Variants in PXK observed in about 807,000 individuals in gnomAD.
PXK encodes PX domain-containing protein kinase-like protein.
A neutral mutation model predicts 84.7 loss-of-function variants in PXK; 35 were observed. The observed-to-expected ratio is 0.41, with a 90% CI of 0.32 to 0.55. The LOEUF (loss-of-function observed/expected upper bound fraction) is 0.55. Among genes scored for constraint, PXK ranks in the 20% least tolerant of loss-of-function variants. PXK has a pLI of 0.21. For missense variants in PXK, 634 were observed against 699.7 expected (o/e 0.91, Z 1.06); for synonymous variants, 253 against 260.8 (o/e 0.97, Z 0.29).
At chr3:58,338,602 G>A (rs1285938583) in intron 1 of PXK, among the ~76,000 whole-genome samples, 2 of 151,598 alleles carry the variant, frequency 1.3e-5, no homozygotes, top group African/African-American at 2.4e-5. Context: ...CAGCCTGGGC[G>A]ACAGAGCAAG....
chr3:58,402,504 A>T (rs2058740647), intron 12 of PXK, among the ~76,000 whole-genome samples: 2 of 148,758 alleles, frequency 1.3e-5, no homozygotes. Flanking sequence ...ATCTTGGCTC[A>T]CTGCAAGCTC....
At chr3:58,388,743 A>T (rs999853529) in intron 4 of PXK, among the ~76,000 whole-genome samples, 4 of 152,234 alleles carry the variant, frequency 2.6e-5, no homozygotes, top group Admixed American at 2.6e-4. Flanking sequence ...ACAAATAGCT[A>T]GTAAATTGTT....
rs920981311 is a variant in PXK at position 58,393,265 on chromosome 3, G to A, written c.615+1418G>A. ...AGGAAGGCTGAGGCAGGAGAATGGC[G>A]TGAACCCGGGAGGCGGAGCTTGCAG... On this transcript the variant is annotated intron_variant, in intron 7 of 17. Transcript: ENST00000356151. Among the ~76,000 whole-genome samples the A allele has an allele frequency of 3.9e-5, 6 of 151,956 alleles. No individual in the cohort carries two copies. In the South Asian group the frequency reaches 8.3e-4, roughly 21 times the overall value.
Position 58,354,515 on chromosome 3 carries a change from C to T in PXK, c.103-11359C>T, listed in dbSNP as rs549761563. Among the ~76,000 whole-genome samples the T allele has an allele frequency of 3.3e-5, 5 of 150,598 alleles. No homozygotes were observed. In the South Asian group the frequency reaches 1.1e-3, roughly 32 times the overall value. On this transcript the variant is annotated intron_variant, in intron 1 of 17. Transcript: ENST00000356151. ...AGGCTGGAGTGCAGTGGCCTGATCT[C>T]AGCTCACTGCAACCTCCACCTCCTA...
rs866134453 is a variant in PXK, at chr3:58,399,034, G to T, written c.1103-265G>T. ...CAAACACTTTTATGAATGATATCTT[G>T]AATCCTTCCTCCAGTTATCTTTGAA... On this transcript the variant is annotated intron_variant, in intron 11 of 17. Coordinates refer to ENST00000356151, the MANE Select transcript of PXK (RefSeq NM_017771.5). The surrounding 1 kb of genome is among the most constrained non-coding windows in gnomAD (Gnocchi z 4.3). 2.6e-5 allele frequency among the ~76,000 whole-genome samples: 4 copies of T among 152,184 alleles called. No individual in the cohort carries two copies. Among genetic ancestry groups the T allele is most frequent in the Non-Finnish European group, 5.9e-5 (4 of 68,024 alleles).
intron 1 of PXK, among the ~76,000 whole-genome samples, chr3:58,339,701 T>C (rs1016006122): frequency 6.6e-6 from 1 of 152,224 alleles, no homozygotes; most frequent in African/African-American, 2.4e-5. Flanking sequence ...CTGAGGTTTA[T>C]TTCATGTGAA....
chr3:58,361,435 A>G (rs1017297094), intron 1 of PXK, among the ~76,000 whole-genome samples: 1 of 152,062 alleles, frequency 6.6e-6, no homozygotes, highest in Non-Finnish European at 1.5e-5. Context: ...GATAGAGAAC[A>G]CTTCCATTAT....
intron 4 of PXK, among the ~76,000 whole-genome samples, chr3:58,388,279 C>T (rs1041423068): frequency 9.9e-5 from 15 of 152,228 alleles, no homozygotes; most frequent in Non-Finnish European, 1.9e-4. Context: ...CATCTGTTCA[C>T]AGCTATTTCC....
At chr3:58,388,520 A>G (rs1001967291) in intron 4 of PXK, among the ~76,000 whole-genome samples, 1 of 152,256 alleles carries the variant, frequency 6.6e-6, no homozygotes, top group African/African-American at 2.4e-5. Context: ...ACTTTATATT[A>G]ACATGAATTA....
intron 1 of PXK, among the ~76,000 whole-genome samples, chr3:58,336,059 ATATATATATATATTTTT>A (rs2097589360): frequency 1.7e-5 from 1 of 58,384 alleles, no homozygotes; most frequent in African/African-American, 9.1e-5. Flanking sequence ...ATATATATAT[ATATATATATATATTTTT>A]TTTTTTTTTT....
At chr3:58,388,524 T>C (rs1331384470) in intron 4 of PXK, among the ~76,000 whole-genome samples, 1 of 152,238 alleles carries the variant, frequency 6.6e-6, no homozygotes, top group East Asian at 1.9e-4. Flanking sequence ...TATATTAACA[T>C]GAATTATAGA....
At chr3:58,404,665 T>C (rs1660279320) in intron 13 of PXK, among the ~76,000 whole-genome samples, 1 of 152,210 alleles carries the variant, frequency 6.6e-6, no homozygotes, top group African/African-American at 2.4e-5. Flanking sequence ...GGAAACTCCT[T>C]GTTCAGGCCA....
chr3:58,340,973 CTT>C (rs57344727), intron 1 of PXK, among the ~76,000 whole-genome samples: 7,506 of 145,076 alleles, frequency 0.052, 650 homozygotes, highest in African/African-American at 0.18. Context: ...AGAGTTTTTC[CTT>C]TTTTTTTTTT....
At position 58,425,094 on chromosome 3, in the gene PXK, A is replaced by C; in HGVS notation, c.*134A>C. On this transcript the variant is annotated 3_prime_UTR_variant, in exon 18 of 18. Coordinates refer to ENST00000356151, the MANE Select transcript of PXK (RefSeq NM_017771.5). The stretch of plus-strand genomic sequence containing the variant: ...AAACAGTACTATTTTGCAGATGCTC[A>C]TGTAAGCAGCTTTTCGAGAGAAATA... The C allele has an allele frequency of 7.7e-7, 1 of 1,295,304 alleles. No individual in the cohort carries two copies. The highest frequency in any genetic ancestry group is 1.0e-6 in the Non-Finnish European group (1 of 955,224). 80.2% of individuals were successfully genotyped at this position (1,295,304 alleles called of 1,614,324 possible).
chr3:58,407,583 CAG>C lies in PXK; in HGVS notation c.1231-1340_1231-1339del, dbSNP rs200593688. ...TATTTTTCTTTTTTTCTTTTGGAGACAGGGGCTCGTTCTGTTGCTTAGGCTGG... is the reference window on the plus strand; with the variant it reads ...TATTTTTCTTTTTTTCTTTTGGAGACGGGCTCGTTCTGTTGCTTAGGCTGG... On this transcript the variant is annotated intron_variant, in intron 13 of 17. Coordinates refer to ENST00000356151, the MANE Select transcript of PXK (RefSeq NM_017771.5). The surrounding 1 kb of genome is among the most constrained non-coding windows in gnomAD (Gnocchi z 4.3). Among the ~76,000 whole-genome samples, 469 of 151,908 alleles carry C rather than the reference CAG, an allele frequency of 3.1e-3. 2 individuals carry two copies. Among genetic ancestry groups the C allele is most frequent in the African/African-American group, 0.01 (433 of 41,412 alleles).
In PXK at chr3:58,379,703, A is replaced by G. The variant is rs563270254; in HGVS notation, c.202-2811A>G. Among the ~76,000 whole-genome samples the G allele has an allele frequency of 3.3e-5, 5 of 152,344 alleles. No homozygotes were observed. The highest frequency in any genetic ancestry group is 7.3e-5 in the Non-Finnish European group (5 of 68,030). ...AAGGTGCTATTAAGGAAGAAAAAGA[A>G]TAGAAAAGAGTACTTACAAATAAAA... On this transcript the variant is annotated intron_variant, in intron 3 of 17. Transcript: ENST00000356151. The surrounding 1 kb of genome is among the most constrained non-coding windows in gnomAD (Gnocchi z 5.1).
chr3:58,367,859 G>A (rs114978972), intron 2 of PXK, among the ~76,000 whole-genome samples: 2,146 of 151,922 alleles, frequency 0.014, 61 homozygotes, highest in African/African-American at 0.049. Context: ...ATTTTTGTGT[G>A]TTTTTTATAG....
At chr3:58,376,480 T>C (rs547017954) in intron 3 of PXK, among the ~76,000 whole-genome samples, 27 of 152,306 alleles carry the variant, frequency 1.8e-4, no homozygotes, top group Non-Finnish European at 5.9e-5. Context: ...TTATTCATTT[T>C]GCTTAAAGTC....
intron 1 of PXK, among the ~76,000 whole-genome samples, chr3:58,355,905 C>G (rs1464848926): frequency 6.6e-6 from 1 of 152,206 alleles, no homozygotes; most frequent in Non-Finnish European, 1.5e-5. Context: ...GTCAGCAGGA[C>G]TTGGGTTCCA....
Sources: allele counts gnomAD v4.1 joint callset (sites outside exome capture counted in the v4.1 genomes callset), GRCh38; gene constraint gnomAD v4.1.1; non-coding constraint Gnocchi (gnomAD v3.1); transcripts MANE v1.5; gene names NCBI Gene and HGNC (gene_info 2026-07-23, HGNC 2026-07-21).